CPM: variants seen among roughly 807,000 people sequenced by gnomAD.
CPM encodes renal carboxypeptidase.
CPM carries 35 observed loss-of-function variants against 46.4 expected under a neutral mutation model. The ratio of observed to expected loss-of-function variants is 0.75; its 90% CI spans 0.58 to 1.00. The LOEUF is 1.00. Ranked by LOEUF, CPM falls within the 50% of genes least tolerant of loss-of-function variation. The pLI, the probability that CPM is intolerant of heterozygous loss-of-function variation, is 0.00. For synonymous variants in CPM, 195 were observed against 195.3 expected (o/e 1.00, Z 0.01); for missense variants, 422 against 530.4 (o/e 0.80, Z 2.01).
At chr12:68,935,251 T>A (rs201234740), upstream of CPM, among the ~76,000 whole-genome samples, 2 of 21,554 alleles carry the variant, frequency 9.3e-5, no homozygotes, top group South Asian at 2.3e-3. Context: ...TTATTGTTTG[T>A]TTGTTTGTTT....
chr12:68,923,160 A>AGTGTGT (rs869087872), intron 2 of CPM, among the ~76,000 whole-genome samples: 153 of 45,662 alleles, frequency 3.4e-3, no homozygotes, highest in South Asian at 0.014. Flanking sequence ...TTTGATATAG[A>AGTGTGT]GTGTGTGTGT....
At chr12:68,846,950 G>A (rs1055056379), downstream of CPM, 7 of 151,366 alleles carry the variant, frequency 4.6e-5, no homozygotes, top group African/African-American at 1.5e-4. Context: ...TCCAGCTTAG[G>A]TAGCCTTGAA....
chr12:68,932,315 A>G (rs1176146302), intron 2 of CPM, among the ~76,000 whole-genome samples: 2 of 152,250 alleles, frequency 1.3e-5, no homozygotes, highest in East Asian at 3.8e-4. Context: ...TATATAAAGA[A>G]GCCCACACAA....
upstream of CPM, among the ~76,000 whole-genome samples, chr12:68,936,650 C>T (rs148574431): frequency 3.5e-3 from 534 of 152,312 alleles, 1 homozygote; most frequent in African/African-American, 0.012. Context: ...TCCCAGAGTG[C>T]TGGGATTACA....
At chr12:68,901,184 T>C (rs1258859196) in intron 2 of CPM, among the ~76,000 whole-genome samples, 1 of 152,170 alleles carries the variant, frequency 6.6e-6, no homozygotes, top group Non-Finnish European at 1.5e-5. Context: ...CCACAGTAGG[T>C]ACAGCAAATT....
intron 1 of CPM, among the ~76,000 whole-genome samples, chr12:68,956,751 C>T (rs771331093): frequency 5.9e-5 from 9 of 152,208 alleles, no homozygotes; most frequent in Non-Finnish European, 1.3e-4. Context: ...AGCACCAAAT[C>T]ACAGTTCACA....
intron 1 of CPM, chr12:68,957,321 G>GA (rs10530969): frequency 0.014 from 1,969 of 136,850 alleles, 19 homozygotes; most frequent in African/African-American, 0.03. Context: ...GTGATTCTCA[G>GA]AAAAAAAAAA....
intron 7 of CPM, 163 bp downstream of exon 7, chr12:68,866,733 C>T: frequency 1.6e-6 from 1 of 628,326 alleles, no homozygotes; most frequent in Non-Finnish European, 2.8e-6. Flanking sequence ...TTCTCACACA[C>T]TGCAGATACT....
At chr12:68,958,892 A>G (rs1889068493) in intron 1 of CPM, among the ~76,000 whole-genome samples, 1 of 152,018 alleles carries the variant, frequency 6.6e-6, no homozygotes, top group Admixed American at 6.6e-5. Context: ...CCTCTCACCC[A>G]AGGGCCTTTG....
At chr12:68,892,037 G>A (rs530478229) in intron 2 of CPM, among the ~76,000 whole-genome samples, 1 of 152,130 alleles carries the variant, frequency 6.6e-6, no homozygotes, top group African/African-American at 2.4e-5. Flanking sequence ...TCACGCGGCT[G>A]GAAATCTACG....
chr12:68,885,741 C>G lies in CPM; in HGVS notation c.258+51G>C, dbSNP rs779136063. 2.1e-5 allele frequency: 30 copies of G among 1,454,824 alleles called. No individual in the cohort carries two copies. The African/African-American group carries it at 3.8e-4, about 18-fold the overall frequency. 90.1% of individuals were successfully genotyped at this position (1,454,824 alleles called of 1,614,324 possible). A position where few individuals can be genotyped will look rare whatever the true frequency, so the allele number is the denominator to read the frequency against. On this transcript the variant is annotated intron_variant, in intron 3 of 8. Coordinates refer to ENST00000551568, the MANE Select transcript of CPM (RefSeq NM_198320.5). ...GCATTTATACAGAGCTCAAGAGACCCTAGGGGAAGCTTCTCTGGTGACATT... is the reference window on the plus strand; with the variant it reads ...GCATTTATACAGAGCTCAAGAGACCGTAGGGGAAGCTTCTCTGGTGACATT...
At position 68,869,424 on chromosome 12, in the gene CPM, C is replaced by T; in HGVS notation, c.688G>A (p.Ala230Thr). The T allele has an allele frequency of 6.2e-7, 1 of 1,614,088 alleles. No individual in the cohort carries two copies. The highest frequency in any genetic ancestry group is 2.2e-5 in the East Asian group (1 of 44,870). The stretch of plus-strand genomic sequence containing the variant: ...TTCTTCATGTTGGGATTTCTTGAAG[C>T]ATAGGTATGTGCAAGATATTGAAAA... Reference protein sequence around the residue: ...DVFQYLAHTYASRNPNMKKGD... With the variant: ...DVFQYLAHTYTSRNPNMKKGD... Residue 230 changes from alanine to threonine, a missense_variant, in exon 6 of 9, where the codon GCT becomes ACT. Ala to Thr is a moderately conservative substitution (Grantham distance 58, BLOSUM62 0). Coordinates refer to ENST00000551568, the MANE Select transcript of CPM (RefSeq NM_198320.5).
chr12:68,867,074 G>T lies in CPM; in HGVS notation c.788-26C>A, dbSNP rs371438102. The T allele has an allele frequency of 4.0e-4, 640 of 1,613,198 alleles. 7 individuals carry two copies. In the South Asian group the frequency reaches 6.5e-3, roughly 16 times the overall value. The stretch of plus-strand genomic sequence containing the variant: ...CTAAACACAAGCATATTTAATTTTT[G>T]TTAGGGTCTAAAATTGGAGTGGAGC... On this transcript the variant is annotated intron_variant, in intron 6 of 8. Coordinates refer to ENST00000551568, the MANE Select transcript of CPM (RefSeq NM_198320.5).
intron 3 of CPM, among the ~76,000 whole-genome samples, chr12:68,875,427 A>T (rs1352094321): frequency 6.6e-6 from 1 of 152,148 alleles, no homozygotes; most frequent in Non-Finnish European, 1.5e-5. Flanking sequence ...GGGGACATAA[A>T]ATACTATCAA....
At position 68,912,621 on chromosome 12, in the gene CPM, C is replaced by T. The variant is rs369164779; in HGVS notation, c.160+20057G>A. 7.9e-5 allele frequency among the ~76,000 whole-genome samples: 12 copies of T among 152,250 alleles called. No homozygotes were observed. The East Asian group carries it at 2.3e-3, about 29-fold the overall frequency. The stretch of plus-strand genomic sequence containing the variant: ...CTAAGATCACACCATGACCTATGAG[C>T]CCACTGAGTTTTGGAACTCAAACTC... On this transcript the variant is annotated intron_variant, in intron 2 of 8. Coordinates refer to ENST00000551568, the MANE Select transcript of CPM (RefSeq NM_198320.5).
chr12:68,887,681 T>C (rs1426094160), intron 2 of CPM, among the ~76,000 whole-genome samples: 1 of 152,228 alleles, frequency 6.6e-6, no homozygotes, highest in East Asian at 1.9e-4. Flanking sequence ...ACATGCTCTA[T>C]GCCCAATGAA....
chr12:68,861,447 G>A (rs1032354547), intron 7 of CPM, among the ~76,000 whole-genome samples: 1 of 151,926 alleles, frequency 6.6e-6, no homozygotes, highest in African/African-American at 2.4e-5. Flanking sequence ...TGTATTTTTT[G>A]TTGACTTCCC....
At chr12:68,846,254 A>C (rs1438611927), downstream of CPM, 1 of 149,182 alleles carries the variant, frequency 6.7e-6, no homozygotes, top group Non-Finnish European at 1.5e-5. Context: ...TGCCCGGCCT[A>C]ATTTTTGTAT....
downstream of CPM, chr12:68,848,384 C>A: frequency 6.6e-6 from 1 of 152,296 alleles, no homozygotes; most frequent in South Asian, 2.1e-4. Context: ...AGGCTGGTCT[C>A]GAATTCCTGA....
Sources: allele counts gnomAD v4.1 joint callset (sites outside exome capture counted in the v4.1 genomes callset), GRCh38; gene constraint gnomAD v4.1.1; transcripts MANE v1.5; gene names NCBI Gene and HGNC (gene_info 2026-07-23, HGNC 2026-07-21).